The following CTDSPL variants were observed in gnomAD, a reference collection of about 807,000 sequenced individuals.
CTDSPL encodes CTD small phosphatase-like protein.
A neutral mutation model predicts 30.5 loss-of-function variants in CTDSPL; 8 were observed. The observed-to-expected ratio is 0.26, with a 90% confidence interval of 0.15 to 0.47. The LOEUF (loss-of-function observed/expected upper bound fraction) is 0.47. Among genes scored for constraint, CTDSPL ranks in the 20% least tolerant of loss-of-function variants. CTDSPL has a pLI of 0.99. For synonymous variants in CTDSPL, 110 were observed against 137.9 expected, an observed-to-expected ratio of 0.80 and a Z score of 1.42; for missense variants, 248 against 366.1, an observed-to-expected ratio of 0.68 and a Z score of 2.63.
chr3:37,873,786 GA>G (rs1698103527), intron 1 of CTDSPL, among the ~76,000 whole-genome samples: 1 of 152,198 alleles, frequency 6.6e-6, no homozygotes, highest in South Asian at 2.1e-4. Flanking sequence ...ATTGTCCATT[GA>G]AAAGAGAAAA....
intron 1 of CTDSPL, among the ~76,000 whole-genome samples, chr3:37,933,329 T>A (rs1180971573): frequency 6.6e-6 from 1 of 152,208 alleles, no homozygotes; most frequent in Non-Finnish European, 1.5e-5. Context: ...AGTTCTGTCT[T>A]CTATTTTCCC....
chr3:37,891,686 GTGTT>G (rs199626855), intron 1 of CTDSPL, among the ~76,000 whole-genome samples: 2,070 of 152,280 alleles, frequency 0.014, 26 homozygotes, highest in Non-Finnish European at 0.021. Context: ...TTCTTAAAAT[GTGTT>G]TGTTTGTTTA....
chr3:37,879,308 G>C (rs1357158262), intron 1 of CTDSPL, among the ~76,000 whole-genome samples: 1 of 152,198 alleles, frequency 6.6e-6, no homozygotes, highest in African/African-American at 2.4e-5. Flanking sequence ...CTGGACAAGT[G>C]GCTAACATCC....
intron 1 of CTDSPL, among the ~76,000 whole-genome samples, chr3:37,884,906 G>A (rs1229906393): frequency 1.3e-5 from 2 of 152,136 alleles, no homozygotes; most frequent in Admixed American, 6.5e-5. Flanking sequence ...CTTGAGGAAA[G>A]TGATAAGAGT....
chr3:37,960,339 G>T (rs1699222007), intron 3 of CTDSPL, among the ~76,000 whole-genome samples: 1 of 151,350 alleles, frequency 6.6e-6, no homozygotes, highest in Non-Finnish European at 1.5e-5. Flanking sequence ...AATTAGCCGG[G>T]TATGGTGGCA....
intron 1 of CTDSPL, among the ~76,000 whole-genome samples, chr3:37,878,880 T>G (rs1284334718): frequency 6.6e-6 from 1 of 152,208 alleles, no homozygotes. Context: ...GAGTTTAAAC[T>G]GTAATTATGC....
intron 6 of CTDSPL, 79 bp downstream of exon 6, chr3:37,971,578 G>A: frequency 2.2e-6 from 3 of 1,356,058 alleles, no homozygotes; most frequent in African/African-American, 1.4e-5. Context: ...CTGTCAAGCA[G>A]CCCTTTGTTT....
chr3:37,915,284 G>C (rs764552993), intron 1 of CTDSPL, among the ~76,000 whole-genome samples: 1 of 151,874 alleles, frequency 6.6e-6, no homozygotes, highest in Non-Finnish European at 1.5e-5. Context: ...ATTTGCTTAG[G>C]TATAGTTTTA....
chr3:37,921,254 G>A (rs1698710279), intron 1 of CTDSPL, among the ~76,000 whole-genome samples: 1 of 152,218 alleles, frequency 6.6e-6, no homozygotes, highest in Non-Finnish European at 1.5e-5. Flanking sequence ...AAAGGATGTT[G>A]GAGACTGGAT....
chr3:37,862,292 C>A lies in CTDSPL; in HGVS notation c.79+14C>A. The A allele has an allele frequency of 6.7e-7, 1 of 1,484,510 alleles. No individual in the cohort carries two copies. The highest frequency in any genetic ancestry group is 8.9e-7 in the Non-Finnish European group (1 of 1,120,608). 92.0% of individuals were successfully genotyped at this position (1,484,510 alleles called of 1,614,324 possible). A position where few individuals can be genotyped will look rare whatever the true frequency, so the allele number is the denominator to read the frequency against. On this transcript the variant is annotated intron_variant, in intron 1 of 7. Transcript: ENST00000273179. The surrounding 1 kb of genome is among the most constrained non-coding windows in gnomAD (Gnocchi z 4.3). Reference sequence around the variant, plus strand: ...CGGGCGAGAAAGGTGAGGAGGGGCGCAGGCGGCCGCGGGCTGGGGGCGAGC... The same window carrying A: ...CGGGCGAGAAAGGTGAGGAGGGGCGAAGGCGGCCGCGGGCTGGGGGCGAGC...
intron 1 of CTDSPL, chr3:37,911,746 G>A (rs1200602653): frequency 4.4e-6 from 2 of 456,298 alleles, no homozygotes; most frequent in African/African-American, 2.0e-5. Context: ...TGGGTGGCAG[G>A]TGTAACCCTC....
intron 1 of CTDSPL, among the ~76,000 whole-genome samples, chr3:37,898,377 A>G (rs1698411933): frequency 6.6e-6 from 1 of 152,230 alleles, no homozygotes; most frequent in Admixed American, 6.5e-5. Context: ...GTTAGCAGAC[A>G]GCATGTTTAA....
chr3:37,959,669 C>A lies in CTDSPL; in HGVS notation c.267+2526C>A, dbSNP rs141527086. ...CACTTCTGTGCTATTACAAATATTTCTCTTAAAAATATCCTCTTTTCTGTG... is the reference window on the plus strand; with the variant it reads ...CACTTCTGTGCTATTACAAATATTTATCTTAAAAATATCCTCTTTTCTGTG... On this transcript the variant is annotated intron_variant, in intron 3 of 7. Coordinates refer to ENST00000273179, the MANE Select transcript of CTDSPL (RefSeq NM_001008392.2). 1.3e-3 allele frequency among the ~76,000 whole-genome samples: 200 copies of A among 152,298 alleles called. 3 individuals carry two copies. The highest frequency in any genetic ancestry group is 4.0e-3 in the African/African-American group (166 of 41,562).
At chr3:37,934,155 C>G (rs936953313) in intron 1 of CTDSPL, among the ~76,000 whole-genome samples, 6 of 151,714 alleles carry the variant, frequency 4.0e-5, no homozygotes, top group African/African-American at 9.7e-5. Flanking sequence ...AACCCTCTCT[C>G]TACAAAAAAA....
At chr3:37,907,204 G>A (rs191119536) in intron 1 of CTDSPL, among the ~76,000 whole-genome samples, 16 of 152,276 alleles carry the variant, frequency 1.1e-4, no homozygotes, top group African/African-American at 2.9e-4. Context: ...TGCAGCAGCC[G>A]CCTTCTGACA....
intron 1 of CTDSPL, among the ~76,000 whole-genome samples, chr3:37,941,836 C>T (rs532335659): frequency 6.6e-6 from 1 of 150,512 alleles, no homozygotes; most frequent in East Asian, 2.0e-4. Flanking sequence ...CAGCTAGCCA[C>T]CTCTGTGGTC....
At chr3:37,962,723 C>A (rs1004482516) in intron 3 of CTDSPL, among the ~76,000 whole-genome samples, 1 of 152,028 alleles carries the variant, frequency 6.6e-6, no homozygotes, top group Non-Finnish European at 1.5e-5. Context: ...AGTTTATAAA[C>A]GCATAGGAAA....
At chr3:37,888,970 C>T (rs1031793864) in intron 1 of CTDSPL, among the ~76,000 whole-genome samples, 1 of 152,136 alleles carries the variant, frequency 6.6e-6, no homozygotes, top group Non-Finnish European at 1.5e-5. Context: ...TGGATGAGGC[C>T]CAGGTAAGCC....
intron 1 of CTDSPL, among the ~76,000 whole-genome samples, chr3:37,919,332 C>T (rs1698687002): frequency 6.6e-6 from 1 of 152,176 alleles, no homozygotes; most frequent in African/African-American, 2.4e-5. Context: ...TGGGACCCCT[C>T]TCCTTGGAAT....
Sources: allele counts gnomAD v4.1 joint callset (sites outside exome capture counted in the v4.1 genomes callset), GRCh38; gene constraint gnomAD v4.1.1; non-coding constraint Gnocchi (gnomAD v3.1); transcripts MANE v1.5; gene names NCBI Gene and HGNC (gene_info 2026-07-23, HGNC 2026-07-21).